Variants in CNTN4 observed in about 807,000 individuals in gnomAD.
CNTN4 encodes contactin 4.
Under a neutral mutation model 122.5 loss-of-function variants are expected in CNTN4, and 77 were observed. The observed-to-expected ratio is 0.63, with a 90% CI of 0.52 to 0.76. CNTN4 has a LOEUF of 0.76. Ranked by LOEUF, CNTN4 falls within the 30% of genes least tolerant of loss-of-function variation. CNTN4 has a pLI of 0.00. For synonymous variants in CNTN4, 512 were observed against 447.0 expected, an observed-to-expected ratio of 1.15 and a Z score of -1.83; for missense variants, 1,256 against 1,259.1, an observed-to-expected ratio of 1.00 and a Z score of 0.04.
intron 3 of CNTN4, among the ~76,000 whole-genome samples, chr3:2,431,858 A>G (rs929379490): frequency 3.3e-5 from 5 of 152,162 alleles, no homozygotes; most frequent in Non-Finnish European, 7.3e-5. Context: ...TAACTATACA[A>G]GGAGGTTATT....
intron 3 of CNTN4, among the ~76,000 whole-genome samples, chr3:2,473,476 C>T (rs2075752308): frequency 6.6e-6 from 1 of 152,156 alleles, no homozygotes; most frequent in South Asian, 2.1e-4. Flanking sequence ...TGTCTGTTTA[C>T]ATTTAAATTA....
chr3:2,803,807 T>C (rs748667324), intron 6 of CNTN4, among the ~76,000 whole-genome samples: 1 of 151,998 alleles, frequency 6.6e-6, no homozygotes, highest in African/African-American at 2.4e-5. Context: ...GTGATCCACC[T>C]GCCTTGGCCT....
intron 4 of CNTN4, among the ~76,000 whole-genome samples, chr3:2,708,440 C>G (rs899795163): frequency 6.6e-6 from 1 of 152,144 alleles, no homozygotes; most frequent in African/African-American, 2.4e-5. Flanking sequence ...GAGACTCTGT[C>G]CATTCTTGGA....
chr3:2,262,316 A>G (rs1319813264), intron 2 of CNTN4: 1 of 151,654 alleles, frequency 6.6e-6, no homozygotes, highest in East Asian at 1.9e-4. Context: ...TCCTTTCTTT[A>G]TTTTTTTTCA....
intron 23 of CNTN4, among the ~76,000 whole-genome samples, chr3:3,048,019 T>A (rs1465590466): frequency 3.9e-5 from 6 of 152,188 alleles, no homozygotes; most frequent in Admixed American, 3.9e-4. Context: ...TTCTTCTTAA[T>A]TTCCAGCTCA....
chr3:2,929,777 C>G (rs1261790986), intron 13 of CNTN4, among the ~76,000 whole-genome samples: 2 of 152,190 alleles, frequency 1.3e-5, no homozygotes, highest in Admixed American at 6.5e-5. Context: ...GAGTCATGTG[C>G]TTATCCTAAG....
intron 3 of CNTN4, among the ~76,000 whole-genome samples, chr3:2,392,254 A>G (rs950674066): frequency 2.6e-5 from 4 of 152,210 alleles, no homozygotes; most frequent in Admixed American, 6.5e-5. Context: ...CAGGAAGTCT[A>G]TAATCAGCTG....
chr3:2,893,765 A>T (rs1255392403), intron 10 of CNTN4, among the ~76,000 whole-genome samples: 2 of 152,152 alleles, frequency 1.3e-5, no homozygotes, highest in Non-Finnish European at 2.9e-5. Context: ...ACATTTTTTT[A>T]TTCACCAATG....
At chr3:2,985,724 G>A (rs931963078) in intron 13 of CNTN4, 3 of 152,132 alleles carry the variant, frequency 2.0e-5, no homozygotes, top group African/African-American at 7.2e-5. Context: ...CTTGTGCCTT[G>A]TCTGCCTCTT....
intron 2 of CNTN4, among the ~76,000 whole-genome samples, chr3:2,257,070 G>A (rs1242133350): frequency 6.6e-6 from 1 of 152,128 alleles, no homozygotes; most frequent in Non-Finnish European, 1.5e-5. Flanking sequence ...AAAAAAGCAT[G>A]GTATTGGTAC....
At chr3:2,160,568 A>C (rs911790348) in intron 2 of CNTN4, among the ~76,000 whole-genome samples, 1 of 152,182 alleles carries the variant, frequency 6.6e-6, no homozygotes, top group Non-Finnish European at 1.5e-5. Flanking sequence ...CGTGACATCT[A>C]ACACCTAGTA....
intron 2 of CNTN4, among the ~76,000 whole-genome samples, chr3:2,120,072 A>G (rs954323269): frequency 5.9e-5 from 9 of 151,956 alleles, no homozygotes; most frequent in Non-Finnish European, 1.2e-4. Flanking sequence ...GACAGCATGT[A>G]AGGGGCAGTA....
At chr3:2,779,931 C>T (rs560781193) in intron 6 of CNTN4, among the ~76,000 whole-genome samples, 1 of 152,284 alleles carries the variant, frequency 6.6e-6, no homozygotes, top group Non-Finnish European at 1.5e-5. Flanking sequence ...TTCATACCAA[C>T]GTCAGATAGT....
intron 5 of CNTN4, among the ~76,000 whole-genome samples, chr3:2,741,945 A>G (rs191131510): frequency 3.9e-5 from 6 of 152,366 alleles, no homozygotes; most frequent in African/African-American, 7.2e-5. Context: ...CAAATGCACT[A>G]GCAATTTATT....
intron 3 of CNTN4, among the ~76,000 whole-genome samples, chr3:2,529,072 T>A (rs2077502427): frequency 6.6e-6 from 1 of 152,086 alleles, no homozygotes; most frequent in Admixed American, 6.6e-5. Context: ...CCTAGAATTT[T>A]GTATCCTTTA....
intron 2 of CNTN4, among the ~76,000 whole-genome samples, chr3:2,327,077 G>A (rs990547858): frequency 3.3e-5 from 5 of 151,994 alleles, no homozygotes; most frequent in African/African-American, 4.8e-5. Context: ...ACTGATCTGT[G>A]GTAATTTGGG....
At chr3:2,677,279 C>G (rs963398060) in intron 4 of CNTN4, among the ~76,000 whole-genome samples, 5 of 149,728 alleles carry the variant, frequency 3.3e-5, no homozygotes, top group Admixed American at 2.7e-4. Flanking sequence ...AGATATAGAT[C>G]CTGAACACCA....
chr3:2,499,960 T>C (rs2076552210), intron 3 of CNTN4, among the ~76,000 whole-genome samples: 1 of 152,132 alleles, frequency 6.6e-6, no homozygotes, highest in Non-Finnish European at 1.5e-5. Flanking sequence ...TTTTGTGAAT[T>C]TTGTACTGAA....
chr3:2,405,673 A>G (rs552176090), intron 3 of CNTN4, among the ~76,000 whole-genome samples: 1 of 152,302 alleles, frequency 6.6e-6, no homozygotes, highest in African/African-American at 2.4e-5. Flanking sequence ...CAGAAGAATT[A>G]TAATTAATAA....
Sources: allele counts gnomAD v4.1 joint callset (sites outside exome capture counted in the v4.1 genomes callset), GRCh38; gene constraint gnomAD v4.1.1; transcripts MANE v1.5; gene names NCBI Gene and HGNC (gene_info 2026-07-23, HGNC 2026-07-21).